INTS7: variants seen among roughly 807,000 people sequenced by gnomAD.
INTS7 encodes the protein integrator complex subunit 7.
In INTS7, 46 loss-of-function variants were observed where a neutral mutation model predicts 109.2. The observed-to-expected ratio is 0.42, with a 90% CI of 0.33 to 0.54. INTS7 has a LOEUF of 0.54. Ranked by LOEUF, INTS7 falls within the 20% of genes least tolerant of loss-of-function variation. INTS7 has a pLI of 0.07. For missense variants in INTS7, 929 were observed against 1,132.4 expected (o/e 0.82, Z 2.58); for synonymous variants, 412 against 402.9 (o/e 1.02, Z -0.27).
At chr1:212,035,280 A>C in intron 1 of INTS7, 64 bp downstream of exon 1, 4 of 1,110,916 alleles carry the variant, frequency 3.6e-6, no homozygotes, top group Non-Finnish European at 4.1e-6. Flanking sequence ...CAAAGCAACC[A>C]CCACCTGGTG....
At chr1:212,011,795 A>G (rs1371546301) in intron 4 of INTS7, among the ~76,000 whole-genome samples, 1 of 152,236 alleles carries the variant, frequency 6.6e-6, no homozygotes, top group Non-Finnish European at 1.5e-5. Flanking sequence ...GTGGATATTC[A>G]GTAAGTATTT....
At chr1:211,956,306 G>A (rs1236849676) in intron 16 of INTS7, among the ~76,000 whole-genome samples, 2 of 152,132 alleles carry the variant, frequency 1.3e-5, no homozygotes, top group Admixed American at 6.5e-5. Flanking sequence ...GAAACCAGTA[G>A]TTAAGTCTTG....
At chr1:211,971,672 T>C (rs1664175689) in intron 13 of INTS7, among the ~76,000 whole-genome samples, 1 of 152,128 alleles carries the variant, frequency 6.6e-6, no homozygotes, top group Non-Finnish European at 1.5e-5. Context: ...TGCCAGCACT[T>C]TGGGAGGCCA....
In INTS7 at chr1:211,971,915, CAAAA is replaced by C. The variant is rs745814699; in HGVS notation, c.1816-3212_1816-3209del. ...TGGTGACAAGAGTGAAACTCAGTCT[CAAAA>C]AAAAAAAAAAAAAAAAAGAAAAGAA... On this transcript the variant is annotated intron_variant, in intron 13 of 19. Transcript: ENST00000366994. Among the ~76,000 whole-genome samples, 772 of 79,774 alleles carry C rather than the reference CAAAA, an allele frequency of 9.7e-3. 3 individuals are homozygous for C. The highest frequency in any genetic ancestry group is 0.035 in the African/African-American group (727 of 20,588). 52.3% of individuals were successfully genotyped at this position (79,774 alleles called of 152,430 possible).
chr1:211,999,676 C>T (rs1571891043), intron 7 of INTS7, among the ~76,000 whole-genome samples: 1 of 152,170 alleles, frequency 6.6e-6, no homozygotes, highest in Non-Finnish European at 1.5e-5. Flanking sequence ...TTACAAAATG[C>T]GGTCAATCTG....
At chr1:212,019,746 T>C (rs1666611163) in intron 3 of INTS7, among the ~76,000 whole-genome samples, 1 of 152,214 alleles carries the variant, frequency 6.6e-6, no homozygotes, top group African/African-American at 2.4e-5. Flanking sequence ...ACATTAAAAA[T>C]GATCACATAA....
At chr1:212,020,768 TATTAA>T (rs1666655482) in intron 2 of INTS7, 1 of 1,011,926 alleles carries the variant, frequency 9.9e-7, no homozygotes, top group Non-Finnish European at 1.2e-6. Context: ...TAAAATAAAT[TATTAA>T]ATTAAATCAG....
intron 13 of INTS7, among the ~76,000 whole-genome samples, chr1:211,972,605 A>G (rs1168228679): frequency 6.6e-6 from 1 of 152,174 alleles, no homozygotes; most frequent in Non-Finnish European, 1.5e-5. Context: ...AGCACCCAAA[A>G]CTTGCTTCTA....
Position 212,035,552 on chromosome 1 carries a change from T to C in INTS7, c.-115A>G, listed in dbSNP as rs942562397. The C allele has an allele frequency of 1.7e-4, 144 of 825,266 alleles. No homozygotes were observed. Among genetic ancestry groups the C allele is most frequent in the Non-Finnish European group, 2.7e-4 (132 of 492,890 alleles). 51.1% of individuals were successfully genotyped at this position (825,266 alleles called of 1,614,324 possible). A position where few individuals can be genotyped will look rare whatever the true frequency, so the allele number is the denominator to read the frequency against. On this transcript the variant is annotated 5_prime_UTR_variant, in exon 1 of 20. Coordinates refer to ENST00000366994, the MANE Select transcript of INTS7 (RefSeq NM_015434.4). ...TTTTCTTCCGCGCGCTGTCAAGCCCTGTTACGCATGCGCCCTGGTCACCCC... is the reference window on the plus strand; with the variant it reads ...TTTTCTTCCGCGCGCTGTCAAGCCCCGTTACGCATGCGCCCTGGTCACCCC...
chr1:211,994,999 G>C (rs1185756948), intron 7 of INTS7, among the ~76,000 whole-genome samples: 1 of 151,666 alleles, frequency 6.6e-6, no homozygotes, highest in Admixed American at 6.6e-5. Context: ...TAAAAAAAAA[G>C]ATAACTGGCA....
chr1:212,013,218 A>C (rs1046255674), intron 4 of INTS7, among the ~76,000 whole-genome samples: 1 of 152,098 alleles, frequency 6.6e-6, no homozygotes, highest in Non-Finnish European at 1.5e-5. Flanking sequence ...GAGGGGTCTC[A>C]CTATGTTGCC....
At chr1:211,968,013 C>G in intron 14 of INTS7, 32 bp from the exon 15 acceptor site, 1 of 1,171,140 alleles carries the variant, frequency 8.5e-7, no homozygotes, top group Non-Finnish European at 1.2e-6. Flanking sequence ...GACAAACAAA[C>G]ATGCTATCAT....
chr1:211,987,445 T>G (rs1161935023), intron 8 of INTS7, among the ~76,000 whole-genome samples: 1 of 152,188 alleles, frequency 6.6e-6, no homozygotes, highest in Non-Finnish European at 1.5e-5. Context: ...AAAGTGTTAT[T>G]GGGCTGGAGT....
chr1:212,022,411 T>C (rs1381884566), intron 1 of INTS7, among the ~76,000 whole-genome samples: 1 of 152,204 alleles, frequency 6.6e-6, no homozygotes, highest in African/African-American at 2.4e-5. Context: ...AAAACACATA[T>C]GTGATAAAGG....
At chr1:212,011,051 C>T (rs978467966) in intron 5 of INTS7, among the ~76,000 whole-genome samples, 1 of 152,162 alleles carries the variant, frequency 6.6e-6, no homozygotes, top group Non-Finnish European at 1.5e-5. Context: ...TAAGTCCCTT[C>T]TCTCAACCCA....
chr1:211,954,493 T>C (rs1474181615), intron 16 of INTS7, among the ~76,000 whole-genome samples: 2 of 152,242 alleles, frequency 1.3e-5, no homozygotes, highest in African/African-American at 4.8e-5. Context: ...CTGAATGGTA[T>C]TGCCTAGGTT....
At chr1:211,975,914 A>G (rs1258837618) in intron 12 of INTS7, among the ~76,000 whole-genome samples, 1 of 151,780 alleles carries the variant, frequency 6.6e-6, no homozygotes, top group Non-Finnish European at 1.5e-5. Flanking sequence ...AATCACCTAG[A>G]GTAATGCTTC....
At position 211,978,498 on chromosome 1, in the gene INTS7, C is replaced by T. The variant is rs753336550; in HGVS notation, c.1244G>A (p.Cys415Tyr). ...AQATLKIALN[C>Y]MVKLAKGRPH... Reference sequence around the variant, plus strand: ...CCTGCCCTTGGCCAACTTCACCATACAGTTTAGAGCAATCTGCACGCCAAA... The same window carrying T: ...CCTGCCCTTGGCCAACTTCACCATATAGTTTAGAGCAATCTGCACGCCAAA... The change falls in exon 11 of 20, where the codon TGT (cysteine) becomes TAT (tyrosine). Residue 415 changes from cysteine to tyrosine, a missense_variant. Cys to Tyr is a radical substitution (Grantham distance 194). Around this residue, in one of 2 missense-constraint regions of INTS7, gnomAD observed 787 missense variants for 901.1 expected, o/e 0.87. Transcript: ENST00000366994. 4 of 1,614,138 alleles carry T rather than the reference C, an allele frequency of 2.5e-6. No individual in the cohort carries two copies. Among genetic ancestry groups the T allele is most frequent in the Non-Finnish European group, 3.4e-6 (4 of 1,180,016 alleles).
intron 1 of INTS7, among the ~76,000 whole-genome samples, 154 bp downstream of exon 1, chr1:212,035,190 G>A (rs972455745): frequency 1.4e-4 from 22 of 152,138 alleles, no homozygotes; most frequent in African/African-American, 5.3e-4. Context: ...CTCCCGAAGG[G>A]GTCAAAGCCC....
Sources: allele counts gnomAD v4.1 joint callset (sites outside exome capture counted in the v4.1 genomes callset), GRCh38; gene constraint gnomAD v4.1.1; regional missense constraint gnomAD v4.1.1; transcripts MANE v1.5; gene names NCBI Gene and HGNC (gene_info 2026-07-23, HGNC 2026-07-21).